The following EFCAB6 variants were observed in gnomAD, a reference collection of about 807,000 sequenced individuals.
The protein encoded by EFCAB6 is EF-hand calcium binding domain 6, also known as EF-hand calcium-binding domain-containing protein 6.
EFCAB6 carries 156 observed loss-of-function variants against 169.8 expected under a neutral mutation model. The ratio of observed to expected loss-of-function variants is 0.92; its 90% confidence interval spans 0.81 to 1.05. The LOEUF is 1.05. Ranked by LOEUF, EFCAB6 falls within the 50% of genes least tolerant of loss-of-function variation. The pLI is 0.00. For synonymous variants in EFCAB6, 698 were observed against 676.4 expected, an observed-to-expected ratio of 1.03 and a Z score of -0.50; for missense variants, 1,800 against 1,829.1, an observed-to-expected ratio of 0.98 and a Z score of 0.29.
intron 15 of EFCAB6, 44 bp downstream of exon 15, chr22:43,671,929 G>C: frequency 6.2e-7 from 1 of 1,603,824 alleles, no homozygotes; most frequent in Non-Finnish European, 8.5e-7. Context: ...GAACAGGCCT[G>C]ATGAAAAACA....
chr22:43,530,389 C>T (rs1443722562), intron 31 of EFCAB6, among the ~76,000 whole-genome samples: 1 of 152,196 alleles, frequency 6.6e-6, no homozygotes, highest in African/African-American at 2.4e-5. Flanking sequence ...GGTGGAGCCC[C>T]GCTGTGTACT....
At chr22:43,581,096 G>C (rs1442761186) in intron 24 of EFCAB6, among the ~76,000 whole-genome samples, 1 of 152,206 alleles carries the variant, frequency 6.6e-6, no homozygotes, top group Non-Finnish European at 1.5e-5. Flanking sequence ...CTCAAAGACA[G>C]TGTGGAAGTG....
At chr22:43,723,827 C>T (rs1240919099) in intron 8 of EFCAB6, among the ~76,000 whole-genome samples, 4 of 152,214 alleles carry the variant, frequency 2.6e-5, no homozygotes, top group Non-Finnish European at 4.4e-5. Context: ...GACCAAGGAG[C>T]CCTGCACCGG....
At chr22:43,532,687 C>A (rs368647651) in intron 30 of EFCAB6, among the ~76,000 whole-genome samples, 1 of 151,940 alleles carries the variant, frequency 6.6e-6, no homozygotes, top group Non-Finnish European at 1.5e-5. Flanking sequence ...CACAAAATTG[C>A]AAAACTAGCT....
At position 43,731,082 on chromosome 22, in the gene EFCAB6, T is replaced by C. The variant is rs187888230; in HGVS notation, c.757+617A>G. On this transcript the variant is annotated intron_variant, in intron 8 of 31. Transcript: ENST00000262726. ...AAGGCTGGGAAGGGAGAGGATCCAA[T>C]TGCATGAGCCAGACATTCATCCTTA... is the stretch of plus-strand genomic sequence containing the variant. Among the ~76,000 whole-genome samples the C allele has an allele frequency of 2.7e-3, 408 of 152,190 alleles. 1 individual carries two copies. Among genetic ancestry groups the C allele is most frequent in the Non-Finnish European group, 4.6e-3 (316 of 68,000 alleles).
intron 4 of EFCAB6, among the ~76,000 whole-genome samples, chr22:43,766,761 C>G (rs1387711861): frequency 6.6e-6 from 1 of 152,180 alleles, no homozygotes; most frequent in African/African-American, 2.4e-5. Context: ...GCGATCCACC[C>G]ACCTGGCCTC....
intron 1 of EFCAB6, among the ~76,000 whole-genome samples, chr22:43,811,218 T>C (rs2063106482): frequency 6.7e-6 from 1 of 148,944 alleles, no homozygotes; most frequent in Non-Finnish European, 1.5e-5. Context: ...AGGTGGAGGT[T>C]GCAGTGAGCT....
chr22:43,555,968 C>T (rs2048682176), intron 26 of EFCAB6, among the ~76,000 whole-genome samples: 1 of 152,242 alleles, frequency 6.6e-6, no homozygotes, highest in Non-Finnish European at 1.5e-5. Flanking sequence ...GGCGGCATCC[C>T]ACCTTCAGCA....
At chr22:43,780,921 C>T (rs2061802196) in intron 3 of EFCAB6, among the ~76,000 whole-genome samples, 3 of 152,188 alleles carry the variant, frequency 2.0e-5, no homozygotes, top group African/African-American at 7.2e-5. Context: ...TTCACAGTGG[C>T]CCGCTGATTC....
rs186442397 is a variant in EFCAB6, at chr22:43,628,183, C to G, written c.2233-1504G>C. On this transcript the variant is annotated intron_variant, in intron 19 of 31. Coordinates refer to ENST00000262726, the MANE Select transcript of EFCAB6 (RefSeq NM_022785.4). This position sits in a 1 kb window ranked among gnomAD's most constrained non-coding sequence, Gnocchi z 4.8. Reference sequence around the variant, plus strand: ...AAATCAAACTCCTGACCTCCACCCCCTGTCCCCACCCTACTCCTCCTAAGT... The same window carrying G: ...AAATCAAACTCCTGACCTCCACCCCGTGTCCCCACCCTACTCCTCCTAAGT... 5.9e-5 allele frequency among the ~76,000 whole-genome samples: 9 copies of G among 152,270 alleles called. No homozygotes were observed. The highest frequency in any genetic ancestry group is 1.3e-4 in the Admixed American group (2 of 15,306).
chr22:43,713,411 G>A (rs777271001), intron 9 of EFCAB6, among the ~76,000 whole-genome samples: 12 of 152,160 alleles, frequency 7.9e-5, no homozygotes, highest in Non-Finnish European at 1.8e-4. Flanking sequence ...AGTAAAAAGT[G>A]AAATAAAAAT....
At position 43,663,500 on chromosome 22, in the gene EFCAB6, A is replaced by C. The variant is rs74703711; in HGVS notation, c.1983+3604T>G. On this transcript the variant is annotated intron_variant, in intron 17 of 31. Coordinates refer to ENST00000262726, the MANE Select transcript of EFCAB6 (RefSeq NM_022785.4). ...TGAAGTGCAAACCCAGGTCCATAGT[A>C]GCCTGACTGTTGAAAATCACCCCAC... Among the ~76,000 whole-genome samples, 469 of 152,360 alleles carry C rather than the reference A, an allele frequency of 3.1e-3. 3 individuals carry two copies. The highest frequency in any genetic ancestry group is 0.011 in the African/African-American group (455 of 41,584).
intron 20 of EFCAB6, among the ~76,000 whole-genome samples, chr22:43,618,321 G>C (rs1474597752): frequency 1.2e-5 from 1 of 80,428 alleles, no homozygotes; most frequent in African/African-American, 4.2e-5. Flanking sequence ...GGGAGACTTC[G>C]TCAGGAAGAC....
intron 27 of EFCAB6, among the ~76,000 whole-genome samples, chr22:43,543,357 C>A (rs1215559301): frequency 1.3e-5 from 2 of 152,228 alleles, no homozygotes; most frequent in African/African-American, 4.8e-5. Context: ...CAGCCCTTCT[C>A]CTCGCACCTC....
At chr22:43,558,588 T>C (rs1158267735) in intron 26 of EFCAB6, among the ~76,000 whole-genome samples, 2 of 152,206 alleles carry the variant, frequency 1.3e-5, no homozygotes, top group Non-Finnish European at 2.9e-5. Flanking sequence ...AGTCAATTGA[T>C]GTGGCAAACT....
chr22:43,793,946 C>T (rs184926176), intron 2 of EFCAB6, among the ~76,000 whole-genome samples: 1 of 151,976 alleles, frequency 6.6e-6, no homozygotes, highest in Admixed American at 6.5e-5. Flanking sequence ...TTCAAAGGGC[C>T]GTGAAAGCAA....
rs1263350693 is a variant in EFCAB6, at chr22:43,540,250, A to T, written c.3756T>A (p.Thr1252=). 1.2e-6 allele frequency: 2 copies of T among 1,614,236 alleles called. No homozygotes were observed. Among genetic ancestry groups the T allele is most frequent in the Non-Finnish European group, 1.7e-6 (2 of 1,180,040 alleles). The stretch of plus-strand genomic sequence containing the variant: ...CTCTCTGGGCCACGGCCGAGTCACC[A>T]GTGGCCATTGGTGTGGCTGCTGTCT... The part of the protein sequence containing the change: ...SSETAATPMA[T]GDSAVAQRGS... Residue 1252 remains threonine (T), a synonymous_variant, in exon 28 of 32, where the codon ACT becomes ACA. Transcript: ENST00000262726.
At chr22:43,585,490 T>C (rs1182258933) in intron 24 of EFCAB6, among the ~76,000 whole-genome samples, 1 of 152,054 alleles carries the variant, frequency 6.6e-6, no homozygotes. Context: ...AATTTCAAAA[T>C]GTGTAACACC....
chr22:43,772,981 A>G lies in EFCAB6; in HGVS notation c.262T>C (p.Leu88=). Residue 88 remains leucine, a synonymous_variant, in exon 4 of 32, where the codon TTG becomes CTG. Transcript: ENST00000262726. Reference sequence around the variant, plus strand: ...CTCAGTTCACTTTTTGACACAGTCAAGTTCTGACCAGTATCCAGCAGCTGA... The same window carrying G: ...CTCAGTTCACTTTTTGACACAGTCAGGTTCTGACCAGTATCCAGCAGCTGA... ...AFQLLDTGQN[L]TVSKSELRRI... 1 of 1,614,232 alleles carries G rather than the reference A, an allele frequency of 6.2e-7. No homozygotes were observed.
Sources: gnomAD v4.1 joint callset for allele counts (sites outside exome capture counted in the v4.1 genomes callset) on GRCh38, gnomAD v4.1.1 for gene constraint, Gnocchi (gnomAD v3.1) non-coding constraint, MANE v1.5 for transcripts, NCBI Gene and HGNC (gene_info 2026-07-23, HGNC 2026-07-21) for gene names.